Variants in EPRS1 observed in about 807,000 individuals in gnomAD.
EPRS1 encodes the protein glutamyl-prolyl-tRNA synthetase 1.
In EPRS1, 107 loss-of-function variants were observed where a neutral mutation model predicts 188.3. The observed-to-expected ratio is 0.57, with a 90% CI of 0.49 to 0.67. EPRS1 has a LOEUF of 0.67. EPRS1 is among the 30% of genes least tolerant of loss of function. The pLI is 0.00. For missense variants in EPRS1, 1,577 were observed against 1,802.2 expected (o/e 0.88, Z 2.26); for synonymous variants, 596 against 593.1 (o/e 1.00, Z -0.07).
chr1:220,018,365 A>G (rs562221472), intron 12 of EPRS1, 84 bp downstream of exon 12: 10 of 1,146,570 alleles, frequency 8.7e-6, no homozygotes, highest in Admixed American at 3.5e-5. Flanking sequence ...ACTTTTCTCT[A>G]CCATGAGCAC....
At chr1:220,019,533 C>G (rs960754831) in intron 10 of EPRS1, among the ~76,000 whole-genome samples, 4 of 152,196 alleles carry the variant, frequency 2.6e-5, no homozygotes, top group African/African-American at 9.6e-5. Flanking sequence ...CTGCAGGGAT[C>G]TGCAAACCTC....
rs569138973 is a variant in EPRS1, at chr1:219,970,008, G to A, written c.4324-886C>T. 8.3e-4 allele frequency among the ~76,000 whole-genome samples: 127 copies of A among 152,274 alleles called. 1 individual carries two copies. Among genetic ancestry groups the A allele is most frequent in the African/African-American group, 2.9e-3 (119 of 41,566 alleles). ...AGCTAATTTGTGTAATTTTAGTAGAGACGGGGTTTCGCCATGTTGGCCAGG... is the reference window on the plus strand; with the variant it reads ...AGCTAATTTGTGTAATTTTAGTAGAAACGGGGTTTCGCCATGTTGGCCAGG... On this transcript the variant is annotated intron_variant, in intron 30 of 31. Transcript: ENST00000366923.
intron 3 of EPRS1, among the ~76,000 whole-genome samples, chr1:220,034,552 T>C (rs1214744213): frequency 6.6e-6 from 1 of 152,312 alleles, no homozygotes; most frequent in East Asian, 1.9e-4. Flanking sequence ...CGTGTTACCC[T>C]GTTCAAACTT....
At chr1:219,975,119 C>T (rs1177083779) in intron 28 of EPRS1, among the ~76,000 whole-genome samples, 1 of 152,122 alleles carries the variant, frequency 6.6e-6, no homozygotes, top group African/African-American at 2.4e-5. Context: ...TGGCAAAATG[C>T]AATAGGACTG....
chr1:220,045,510 G>GA (rs927280929), intron 1 of EPRS1, among the ~76,000 whole-genome samples: 119 of 143,074 alleles, frequency 8.3e-4, no homozygotes, highest in Middle Eastern at 3.6e-3. Context: ...ACTCTCAAAA[G>GA]AAAAAAAAAA....
At chr1:220,036,197 C>T (rs1248726352) in intron 2 of EPRS1, among the ~76,000 whole-genome samples, 1 of 152,112 alleles carries the variant, frequency 6.6e-6, no homozygotes, top group African/African-American at 2.4e-5. Flanking sequence ...AAGACTCCAC[C>T]TCACAACAAA....
intron 16 of EPRS1, among the ~76,000 whole-genome samples, chr1:220,002,764 G>A (rs1661384295): frequency 6.6e-6 from 1 of 152,116 alleles, no homozygotes; most frequent in African/African-American, 2.4e-5. Flanking sequence ...GGAGACTGAG[G>A]TGGGAGGATC....
chr1:220,044,679 T>C (rs1662364061), intron 1 of EPRS1, among the ~76,000 whole-genome samples: 1 of 62,294 alleles, frequency 1.6e-5, no homozygotes, highest in Admixed American at 2.4e-4. Flanking sequence ...GAGCTCGGTC[T>C]CCAAAAAAAA....
chr1:220,015,981 C>T (rs1661701621), intron 12 of EPRS1, among the ~76,000 whole-genome samples: 1 of 151,430 alleles, frequency 6.6e-6, no homozygotes, highest in Admixed American at 6.6e-5. Context: ...CAAATGTCTC[C>T]AAAATGAAAC....
chr1:219,984,681 C>A (rs1185965132), intron 20 of EPRS1, among the ~76,000 whole-genome samples: 4 of 152,144 alleles, frequency 2.6e-5, no homozygotes, highest in Admixed American at 2.6e-4. Flanking sequence ...TTCTGGCCTC[C>A]CAGAGTGCTG....
Position 220,018,454 on chromosome 1 carries a change from T to G in EPRS1, c.1489A>C (p.Lys497Gln), listed in dbSNP as rs750826104. ...CAGAGAGTTAACATACATACCTTTT[T>G]GTTAAACGCCCAGATTTTGTCCCAC... Reference protein sequence around the residue: ...MEWDKIWAFNKKVIDPVAPRY... With the variant: ...MEWDKIWAFNQKVIDPVAPRY... Residue 497 changes from lysine (K) to glutamine (Q), a missense_variant, in exon 12 of 32, where the codon AAA (lysine) becomes CAA (glutamine). This residue lies in a region of EPRS1 where 1,278 missense variants were observed against 1,457.4 expected (regional missense o/e 0.88). Transcript: ENST00000366923. 2 of 1,610,546 alleles carry G rather than the reference T, an allele frequency of 1.2e-6. No homozygotes were observed. Among genetic ancestry groups the G allele is most frequent in the Middle Eastern group, 1.9e-4 (1 of 5,360 alleles).
At chr1:219,979,755 A>G (rs905224458) in intron 26 of EPRS1, 140 bp from the exon 27 acceptor site, 1 of 644,762 alleles carries the variant, frequency 1.6e-6, no homozygotes, top group Non-Finnish European at 2.6e-6. Flanking sequence ...GTTTTTAATT[A>G]TAAGCATAAT....
chr1:220,007,489 T>C, intron 13 of EPRS1, 151 bp from the exon 14 acceptor site: 3 of 618,804 alleles, frequency 4.8e-6, no homozygotes, highest in Non-Finnish European at 5.4e-6. Context: ...AGGAAGAAAA[T>C]GCTTTACTCT....
intron 3 of EPRS1, 145 bp from the exon 4 acceptor site, chr1:220,033,803 G>A (rs1160819437): frequency 5.1e-6 from 3 of 588,340 alleles, no homozygotes; most frequent in African/African-American, 1.9e-5. Flanking sequence ...TTATCATTAT[G>A]TGGACTAAAT....
chr1:219,995,934 C>T lies in EPRS1; in HGVS notation c.2541+1049G>A, dbSNP rs78794137. On this transcript the variant is annotated intron_variant, in intron 18 of 31. Coordinates refer to ENST00000366923, the MANE Select transcript of EPRS1 (RefSeq NM_004446.3). ...TAGAACAAATCCCCTTCCCGCCACA[C>T]AAGTCAAGCCTAGTGGTGTACCATA... 5.3e-3 allele frequency among the ~76,000 whole-genome samples: 813 copies of T among 152,328 alleles called. 7 individuals are homozygous for T. The highest frequency in any genetic ancestry group is 0.019 in the African/African-American group (789 of 41,578).
chr1:219,982,868 A>G, intron 22 of EPRS1, 24 bp from the exon 23 acceptor site: 1 of 1,607,436 alleles, frequency 6.2e-7, no homozygotes, highest in East Asian at 2.2e-5. Context: ...ATCATTTTTC[A>G]TACTTTTTTT....
At chr1:219,976,912 T>C (rs959736545) in intron 28 of EPRS1, among the ~76,000 whole-genome samples, 2 of 152,160 alleles carry the variant, frequency 1.3e-5, no homozygotes, top group African/African-American at 2.4e-5. Flanking sequence ...TCTTTCCACA[T>C]AGTAAAAAGA....
intron 8 of EPRS1, among the ~76,000 whole-genome samples, chr1:220,023,963 C>G (rs534325320): frequency 6.6e-6 from 1 of 152,242 alleles, no homozygotes; most frequent in Admixed American, 6.5e-5. Context: ...ACCAGCTTGG[C>G]CAATATGGTG....
rs150445070 is a variant in EPRS1, at chr1:220,034,159, C to T, written c.232-501G>A. Among the ~76,000 whole-genome samples, 747 of 152,272 alleles carry T rather than the reference C, an allele frequency of 4.9e-3. 7 individuals are homozygous for T. Among genetic ancestry groups the T allele is most frequent in the African/African-American group, 0.017 (700 of 41,546 alleles). ...TGTCATCTACTGCATAATGACATTTCGGTCAATGACAGACTGCATATATGA... is the reference window on the plus strand; with the variant it reads ...TGTCATCTACTGCATAATGACATTTTGGTCAATGACAGACTGCATATATGA... On this transcript the variant is annotated intron_variant, in intron 3 of 31. Transcript: ENST00000366923.
Sources: gnomAD v4.1 joint callset for allele counts (sites outside exome capture counted in the v4.1 genomes callset) on GRCh38, gnomAD v4.1.1 for gene constraint, gnomAD v4.1.1 regional missense constraint, MANE v1.5 for transcripts, NCBI Gene and HGNC (gene_info 2026-07-23, HGNC 2026-07-21) for gene names.